PPARGC1A: variants seen among roughly 807,000 people sequenced by gnomAD.
PPARGC1A encodes peroxisome proliferator-activated receptor gamma coactivator 1-alpha.
PPARGC1A carries 25 observed loss-of-function variants against 88.7 expected under a neutral mutation model. The ratio of observed to expected loss-of-function variants is 0.28; its 90% confidence interval spans 0.21 to 0.39. PPARGC1A has a LOEUF of 0.39. Among genes scored for constraint, PPARGC1A ranks in the 10% least tolerant of loss-of-function variants. The probability of loss-of-function intolerance (pLI) is 1.00; values close to 1 mark genes in which losing one functional copy is unlikely to be tolerated. For synonymous variants in PPARGC1A, 363 were observed against 355.6 expected (o/e 1.02, Z -0.24); for missense variants, 880 against 968.7 (o/e 0.91, Z 1.22).
At chr4:24,142,369 T>C in the PPARGC1A span, among the ~76,000 whole-genome samples, 3 of 152,152 alleles carry the variant, frequency 2.0e-5, no homozygotes, top group Non-Finnish European at 4.4e-5. Flanking sequence ...GTGCTGGGAT[T>C]GGACTTTAAA....
At chr4:23,863,719 T>C (rs6832363) in intron 2 of PPARGC1A, among the ~76,000 whole-genome samples, 1,805 of 152,190 alleles carry the variant, frequency 0.012, 37 homozygotes, top group African/African-American at 0.041. Context: ...TCCATGGAAA[T>C]CTCTCTACAC....
At chr4:24,463,155 A>C in the PPARGC1A span, among the ~76,000 whole-genome samples, 1 of 152,204 alleles carries the variant, frequency 6.6e-6, no homozygotes, top group Non-Finnish European at 1.5e-5. Context: ...GATTTGTTTC[A>C]GGACTAAATC....
chr4:24,109,298 TACAC>T, the PPARGC1A span, among the ~76,000 whole-genome samples: 34,362 of 131,478 alleles, frequency 0.26, 4,275 homozygotes, highest in South Asian at 0.37. Flanking sequence ...CATTTCATTA[TACAC>T]ACACACACAC....
the PPARGC1A span, among the ~76,000 whole-genome samples, chr4:24,026,000 C>T: frequency 1.3e-5 from 2 of 152,224 alleles, no homozygotes; most frequent in East Asian, 3.9e-4. Context: ...GCACTCAATC[C>T]AAAGTAATGC....
chr4:24,085,585 G>A, the PPARGC1A span, among the ~76,000 whole-genome samples: 1 of 152,134 alleles, frequency 6.6e-6, no homozygotes, highest in Non-Finnish European at 1.5e-5. Context: ...CTGTGGAGTG[G>A]CCCTATAAAA....
chr4:23,937,655 T>C, the PPARGC1A span, among the ~76,000 whole-genome samples: 2 of 152,164 alleles, frequency 1.3e-5, no homozygotes, highest in African/African-American at 4.8e-5. Flanking sequence ...GGTAGAAATG[T>C]ATTGTTCAAT....
the PPARGC1A span, among the ~76,000 whole-genome samples, chr4:24,348,064 A>AT: frequency 1.7e-4 from 26 of 152,304 alleles, no homozygotes; most frequent in African/African-American, 5.8e-4. Flanking sequence ...GTCATATATG[A>AT]TGCTTAGTTT....
the PPARGC1A span, among the ~76,000 whole-genome samples, chr4:24,241,889 G>A: frequency 2.0e-5 from 3 of 152,182 alleles, no homozygotes; most frequent in South Asian, 2.1e-4. Flanking sequence ...GTATGTGGTT[G>A]AATATTTTAT....
At chr4:24,408,010 A>G in the PPARGC1A span, among the ~76,000 whole-genome samples, 1 of 152,224 alleles carries the variant, frequency 6.6e-6, no homozygotes, top group Non-Finnish European at 1.5e-5. Context: ...CAATTTTAAT[A>G]TCACCAAAGA....
the PPARGC1A span, among the ~76,000 whole-genome samples, chr4:23,990,267 A>C: frequency 1.3e-5 from 2 of 150,920 alleles, no homozygotes; most frequent in Admixed American, 1.3e-4. Context: ...TTTGTTGATA[A>C]TTTACAAGGT....
At chr4:24,101,694 C>G in the PPARGC1A span, among the ~76,000 whole-genome samples, 1 of 152,200 alleles carries the variant, frequency 6.6e-6, no homozygotes, top group South Asian at 2.1e-4. Flanking sequence ...AAGTCTGAAA[C>G]TGACATCATA....
At chr4:24,450,358 T>A in the PPARGC1A span, among the ~76,000 whole-genome samples, 3 of 152,192 alleles carry the variant, frequency 2.0e-5, no homozygotes, top group South Asian at 6.2e-4. Context: ...CCTCAGAAGG[T>A]GAATGTTAAA....
At chr4:23,902,353 G>A (rs1413429426), upstream of PPARGC1A, among the ~76,000 whole-genome samples, 1 of 152,050 alleles carries the variant, frequency 6.6e-6, no homozygotes, top group Non-Finnish European at 1.5e-5. Context: ...GTAGAGCAGA[G>A]CCCCAGCAAT....
chr4:24,191,807 A>G, the PPARGC1A span, among the ~76,000 whole-genome samples: 1 of 152,358 alleles, frequency 6.6e-6, no homozygotes, highest in South Asian at 2.1e-4. Flanking sequence ...CATAACTCCA[A>G]CTTCTGAAGA....
the PPARGC1A span, among the ~76,000 whole-genome samples, chr4:24,066,109 G>C: frequency 6.6e-6 from 1 of 151,822 alleles, no homozygotes; most frequent in Non-Finnish European, 1.5e-5. Context: ...AGTCTCCTCG[G>C]TGGAAGCTTT....
the PPARGC1A span, among the ~76,000 whole-genome samples, chr4:24,387,818 A>AAGAAAGAAAGAAAAAGAGAGAAAGAG: frequency 3.7e-5 from 3 of 81,098 alleles, no homozygotes; most frequent in African/African-American, 1.4e-4. Flanking sequence ...GAAAGAAAGA[A>AAGAAAGAAAGAAAAAGAGAGAAAGAG]AGAAAGAGAG....
At chr4:23,934,442 C>T in the PPARGC1A span, among the ~76,000 whole-genome samples, 1 of 152,150 alleles carries the variant, frequency 6.6e-6, no homozygotes, top group African/African-American at 2.4e-5. Flanking sequence ...GCAACCACCC[C>T]CTGCAGACTG....
the PPARGC1A span, among the ~76,000 whole-genome samples, chr4:24,470,712 C>T: frequency 6.6e-6 from 1 of 151,842 alleles, no homozygotes; most frequent in Non-Finnish European, 1.5e-5. The surrounding 1 kb of genome is among the most constrained non-coding windows in gnomAD (Gnocchi z 5.8). Flanking sequence ...GCCCAGACGC[C>T]CCCACCCGCG....
At chr4:24,462,117 G>A in the PPARGC1A span, among the ~76,000 whole-genome samples, 14 of 152,088 alleles carry the variant, frequency 9.2e-5, 1 homozygote, top group East Asian at 3.9e-4. Flanking sequence ...ATGGAGTCTC[G>A]CTCCAACGCA....
Sources: gnomAD v4.1 joint callset for allele counts (sites outside exome capture counted in the v4.1 genomes callset) on GRCh38, gnomAD v4.1.1 for gene constraint, Gnocchi (gnomAD v3.1) non-coding constraint, MANE v1.5 for transcripts, NCBI Gene and HGNC (gene_info 2026-07-23, HGNC 2026-07-21) for gene names.